Variants in GALP observed in about 807,000 individuals in gnomAD.
The protein encoded by GALP is galanin-like peptide.
In GALP, 12 loss-of-function variants were observed where a neutral mutation model predicts 15.2. That is an observed-to-expected ratio of 0.79 (90% CI 0.51 to 1.28). The LOEUF (loss-of-function observed/expected upper bound fraction) is 1.28, where lower values mean the gene tolerates loss of function less well. Among genes scored for constraint, GALP ranks in the 50% most tolerant of loss-of-function variants. The pLI is 0.00. For synonymous variants in GALP, 58 were observed against 55.1 expected (o/e 1.05, Z -0.23); for missense variants, 161 against 145.6 (o/e 1.11, Z -0.55).
intron 2 of GALP, 138 bp from the exon 3 acceptor site, chr19:56,180,448 C>T (rs1405451222): frequency 7.5e-6 from 5 of 666,502 alleles, no homozygotes; most frequent in African/African-American, 3.6e-5. Context: ...ATTTCCTCAT[C>T]GGTGCAATGG....
intron 2 of GALP, among the ~76,000 whole-genome samples, chr19:56,178,168 A>C (rs912657549): frequency 7.7e-4 from 48 of 62,394 alleles, no homozygotes; most frequent in Middle Eastern, 0.014. Flanking sequence ...TTTCTAACAA[A>C]AAAAAAAAAA....
At chr19:56,181,569 C>T (rs533109635) in intron 3 of GALP, among the ~76,000 whole-genome samples, 6 of 151,856 alleles carry the variant, frequency 4.0e-5, no homozygotes, top group South Asian at 2.1e-4. Flanking sequence ...AATGCCCCAC[C>T]GGCTAATTTT....
At chr19:56,179,602 C>T (rs1053496509) in intron 2 of GALP, among the ~76,000 whole-genome samples, 16 of 151,204 alleles carry the variant, frequency 1.1e-4, no homozygotes, top group African/African-American at 3.9e-4. Flanking sequence ...AAGCTAATAG[C>T]AAGTTTACCT....
chr19:56,182,608 T>C (rs1390868391), intron 4 of GALP, among the ~76,000 whole-genome samples: 3 of 152,144 alleles, frequency 2.0e-5, no homozygotes, highest in East Asian at 1.9e-4. Flanking sequence ...TTCCTAGAAG[T>C]GTCTGGCATA....
Position 56,180,603 on chromosome 19 carries a change from C to G in GALP, c.105C>G (p.Thr35=). 1 of 1,613,990 alleles carries G rather than the reference C, an allele frequency of 6.2e-7. No individual in the cohort carries two copies. ...CTATCCAGGGACGAGGAGGCTGGAC[C>G]CTCAATAGTGCTGGCTACCTTCTGG... ...APAHRGRGGW[T]LNSAGYLLGP... Residue 35 remains threonine (T), a synonymous_variant, in exon 3 of 6, where the codon ACC becomes ACG. Coordinates refer to ENST00000357330, the MANE Select transcript of GALP (RefSeq NM_033106.4).
chr19:56,182,063 T>TG, intron 3 of GALP, 109 bp from the exon 4 acceptor site: 1 of 784,336 alleles, frequency 1.3e-6, no homozygotes, highest in Non-Finnish European at 2.3e-6. Context: ...CCGACAGACT[T>TG]GGTGGAGGCG....
rs1270023562 is a variant in GALP, at chr19:56,180,648, C to T, written c.136+14C>T. ...TTCTGGGTCCCGGTGAGTGAGGCTGCGCTCAGCTCTCCATCCCTGGCCCGA... is the reference window on the plus strand; with the variant it reads ...TTCTGGGTCCCGGTGAGTGAGGCTGTGCTCAGCTCTCCATCCCTGGCCCGA... On this transcript the variant is annotated intron_variant, in intron 3 of 5. Coordinates refer to ENST00000357330, the MANE Select transcript of GALP (RefSeq NM_033106.4). 11 of 1,611,432 alleles carry T rather than the reference C, an allele frequency of 6.8e-6. No homozygotes were observed. The highest frequency in any genetic ancestry group is 1.7e-5 in the Admixed American group (1 of 60,004).
chr19:56,179,601 G>A (rs1417894352), intron 2 of GALP, among the ~76,000 whole-genome samples: 2 of 150,812 alleles, frequency 1.3e-5, no homozygotes, highest in Non-Finnish European at 2.9e-5. Flanking sequence ...GAAGCTAATA[G>A]CAAGTTTACC....
intron 1 of GALP, among the ~76,000 whole-genome samples, 166 bp from the exon 2 acceptor site, chr19:56,176,904 T>C (rs2032471921): frequency 6.6e-6 from 1 of 151,728 alleles, no homozygotes; most frequent in Admixed American, 6.6e-5. Flanking sequence ...AGGAGAGGCT[T>C]AATTGCTTGC....
chr19:56,176,224 G>A lies in GALP; in HGVS notation c.-40+162G>A, dbSNP rs2032455897. Among the ~76,000 whole-genome samples, 3 of 147,578 alleles carry A rather than the reference G, an allele frequency of 2.0e-5. 1 individual carries two copies. The highest frequency in any genetic ancestry group is 2.0e-4 in the Admixed American group (3 of 14,874). On this transcript the variant is annotated intron_variant, in intron 1 of 5. Coordinates refer to ENST00000357330, the MANE Select transcript of GALP (RefSeq NM_033106.4). ...CCAGCTGCAGCGGGGTGAGAGCCTA[G>A]GCCAGGAGGGCACAGGGGCGGATGC...
Position 56,177,102 on chromosome 19 carries a change from G to A in GALP, c.-7G>A. Reference sequence around the variant, plus strand: ...CGCAGCTGTAGGCACCTGTCGTCCTGCCTTCGATGGCTCCTCCCTCCGTCC... The same window carrying A: ...CGCAGCTGTAGGCACCTGTCGTCCTACCTTCGATGGCTCCTCCCTCCGTCC... On this transcript the variant is annotated 5_prime_UTR_variant, in exon 2 of 6. Transcript: ENST00000357330. The A allele has an allele frequency of 6.2e-7, 1 of 1,611,420 alleles. No homozygotes were observed. The highest frequency in any genetic ancestry group is 8.5e-7 in the Non-Finnish European group (1 of 1,178,792).
intron 2 of GALP, among the ~76,000 whole-genome samples, chr19:56,179,465 G>A (rs2032524616): frequency 6.7e-6 from 1 of 149,652 alleles, no homozygotes. Context: ...CCGCCACCAC[G>A]CCCGGCTATT....
intron 3 of GALP, among the ~76,000 whole-genome samples, chr19:56,181,242 C>A (rs1334752237): frequency 1.3e-5 from 2 of 151,664 alleles, no homozygotes; most frequent in African/African-American, 4.8e-5. Flanking sequence ...ACCTTGATCT[C>A]CCTATGCCTC....
chr19:56,185,289 T>A lies in GALP; in HGVS notation c.*19T>A, dbSNP rs2032636845. 4.6e-6 allele frequency: 7 copies of A among 1,527,154 alleles called. No individual in the cohort carries two copies. The highest frequency in any genetic ancestry group is 6.3e-6 in the Non-Finnish European group (7 of 1,106,772). 94.6% of individuals were successfully genotyped at this position (1,527,154 alleles called of 1,614,324 possible). On this transcript the variant is annotated 3_prime_UTR_variant, in exon 6 of 6. Transcript: ENST00000357330. ...GTCATAGATGTCTTCAAATCCCTGT[T>A]CCTATCCTTCTTCTCCAGCTCCTCC...
At chr19:56,179,858 G>A (rs2032533052) in intron 2 of GALP, among the ~76,000 whole-genome samples, 1 of 152,062 alleles carries the variant, frequency 6.6e-6, no homozygotes, top group Admixed American at 6.6e-5. Context: ...CTGGAGCGCA[G>A]TGGTGCAATC....
chr19:56,176,025 GC>G lies in GALP; in HGVS notation c.-75del, dbSNP rs1378614466. 1 of 175,432 alleles carries G rather than the reference GC, an allele frequency of 5.7e-6. No individual in the cohort carries two copies. The highest frequency in any genetic ancestry group is 1.2e-5 in the Non-Finnish European group (1 of 82,966). 10.9% of individuals were successfully genotyped at this position (175,432 alleles called of 1,614,324 possible). On this transcript the variant is annotated 5_prime_UTR_variant, in exon 1 of 6. Coordinates refer to ENST00000357330, the MANE Select transcript of GALP (RefSeq NM_033106.4). ...AAGAGTCCAGGCGCTGGAGCGAGGA[GC>G]CAGAGAGAGCTGCGGAGAGCTGCCA...
chr19:56,181,678 G>A (rs1022892439), intron 3 of GALP, among the ~76,000 whole-genome samples: 4 of 152,108 alleles, frequency 2.6e-5, no homozygotes, highest in Non-Finnish European at 5.9e-5. Flanking sequence ...AAACTGCTGG[G>A]ATTATAGGCG....
intron 5 of GALP, among the ~76,000 whole-genome samples, chr19:56,184,421 C>G (rs1477765686): frequency 6.6e-6 from 1 of 152,010 alleles, no homozygotes; most frequent in Non-Finnish European, 1.5e-5. Flanking sequence ...TCCCACCTTC[C>G]TTTAGTTGGA....
At chr19:56,176,648 C>G (rs1565012) in intron 1 of GALP, among the ~76,000 whole-genome samples, 51 of 52,324 alleles carry the variant, frequency 9.7e-4, no homozygotes, top group East Asian at 5.6e-3. Flanking sequence ...AGGGGTGGAT[C>G]CAAGCTGCAC....
Sources: allele counts gnomAD v4.1 joint callset (sites outside exome capture counted in the v4.1 genomes callset), GRCh38; gene constraint gnomAD v4.1.1; transcripts MANE v1.5; gene names NCBI Gene and HGNC (gene_info 2026-07-23, HGNC 2026-07-21).